Variants in STPG2 observed in about 807,000 individuals in gnomAD.
The protein encoded by STPG2 is sperm tail PG-rich repeat containing 2.
In STPG2, 56 loss-of-function variants were observed where a neutral mutation model predicts 54.2. That is an observed-to-expected ratio of 1.03 (90% CI 0.83 to 1.29). The LOEUF (loss-of-function observed/expected upper bound fraction) is 1.29. Ranked by LOEUF, STPG2 falls within the 50% of genes most tolerant of loss-of-function variation. STPG2 has a pLI of 0.00. For synonymous variants in STPG2, 200 were observed against 181.8 expected (o/e 1.10, Z -0.81); for missense variants, 596 against 544.9 (o/e 1.09, Z -0.93).
chr4:97,944,097 C>A, intron 7 of STPG2, 90 bp from the exon 8 acceptor site: 1 of 824,400 alleles, frequency 1.2e-6, no homozygotes, highest in Non-Finnish European at 2.0e-6. Flanking sequence ...TGAAGTTCAT[C>A]AGTATTATCT....
intron 9 of STPG2, among the ~76,000 whole-genome samples, chr4:97,785,549 G>A (rs2149075915): frequency 6.6e-6 from 1 of 152,172 alleles, no homozygotes; most frequent in Admixed American, 6.5e-5. Context: ...GACTAGAATA[G>A]GAGATTGGAT....
At chr4:98,010,079 G>C (rs1442992698) in intron 5 of STPG2, among the ~76,000 whole-genome samples, 1 of 151,490 alleles carries the variant, frequency 6.6e-6, no homozygotes, top group Non-Finnish European at 1.5e-5. Flanking sequence ...TTGATCTTCT[G>C]CATTTTCTTA....
intron 4 of STPG2, among the ~76,000 whole-genome samples, chr4:97,455,703 C>G (rs928681731): frequency 3.3e-5 from 5 of 152,208 alleles, no homozygotes; most frequent in African/African-American, 4.8e-5. Context: ...GCCCAGGATA[C>G]AGAAAGCCCT....
In STPG2 at chr4:97,756,054, C is replaced by T. The variant is rs72879564; in HGVS notation, c.1205-43240G>A. ...TTTCTGATTGTTTCTAACTCTCCCCCTCCCTTCTTCTCTCTCTCTCTTTCT... is the reference window on the plus strand; with the variant it reads ...TTTCTGATTGTTTCTAACTCTCCCCTTCCCTTCTTCTCTCTCTCTCTTTCT... On this transcript the variant is annotated intron_variant, in intron 9 of 10. Coordinates refer to ENST00000295268, the MANE Select transcript of STPG2 (RefSeq NM_174952.3). 2.5e-3 allele frequency among the ~76,000 whole-genome samples: 380 copies of T among 152,182 alleles called. 2 individuals are homozygous for T. The highest frequency in any genetic ancestry group is 8.9e-3 in the African/African-American group (371 of 41,534).
At chr4:97,736,037 A>C (rs1724975499) in intron 9 of STPG2, among the ~76,000 whole-genome samples, 1 of 152,194 alleles carries the variant, frequency 6.6e-6, no homozygotes, top group South Asian at 2.1e-4. Context: ...AAAAGATAAA[A>C]GGTATGTGTT....
At chr4:98,090,269 G>A (rs1476139714) in intron 5 of STPG2, among the ~76,000 whole-genome samples, 1 of 151,980 alleles carries the variant, frequency 6.6e-6, no homozygotes, top group African/African-American at 2.4e-5. Context: ...TCTACATGTG[G>A]CTTGCCAGTT....
At chr4:97,892,910 C>G (rs1004572925) in intron 8 of STPG2, 2 of 152,158 alleles carry the variant, frequency 1.3e-5, no homozygotes, top group African/African-American at 4.8e-5. Flanking sequence ...GACTCACTCT[C>G]AAATTCTTTT....
At chr4:98,118,309 C>T (rs1336317794) in intron 3 of STPG2, among the ~76,000 whole-genome samples, 1 of 151,318 alleles carries the variant, frequency 6.6e-6, no homozygotes, top group Non-Finnish European at 1.5e-5. Context: ...TGTGTAGAGC[C>T]TCAAGGTCAC....
At chr4:97,799,633 A>G (rs1448470559) in intron 9 of STPG2, among the ~76,000 whole-genome samples, 1 of 151,954 alleles carries the variant, frequency 6.6e-6, no homozygotes, top group Non-Finnish European at 1.5e-5. Context: ...CTCCATTTCA[A>G]CTTTGGTGAA....
chr4:98,134,139 T>C (rs780395918), intron 2 of STPG2, among the ~76,000 whole-genome samples: 8 of 152,004 alleles, frequency 5.3e-5, no homozygotes, highest in African/African-American at 1.9e-4. Context: ...TTGTGTCTTA[T>C]AGAATATGTA....
At chr4:97,893,473 G>A (rs930724278) in intron 8 of STPG2, among the ~76,000 whole-genome samples, 2 of 151,810 alleles carry the variant, frequency 1.3e-5, no homozygotes, top group Non-Finnish European at 2.9e-5. Flanking sequence ...GGAAATTCAG[G>A]GCTGATATAA....
Position 97,792,625 on chromosome 4 carries a change from AAAAGC to A in STPG2, c.1204+48143_1204+48147del, listed in dbSNP as rs879442811. 2.5e-3 allele frequency among the ~76,000 whole-genome samples: 378 copies of A among 152,238 alleles called. 3 individuals carry two copies. In the East Asian group the frequency reaches 0.033, roughly 13 times the overall value. ...ATCAATGGTCTACTCAAAACCCTCTAAAAGCCTTCCATCCCACTGTGAAGCAAGGC... is the reference window on the plus strand; with the variant it reads ...ATCAATGGTCTACTCAAAACCCTCTACTTCCATCCCACTGTGAAGCAAGGC... On this transcript the variant is annotated intron_variant, in intron 9 of 10. Transcript: ENST00000295268.
At chr4:97,574,497 G>A (rs1175505942) in intron 10 of STPG2, among the ~76,000 whole-genome samples, 1 of 151,914 alleles carries the variant, frequency 6.6e-6, no homozygotes, top group Non-Finnish European at 1.5e-5. Context: ...ATAATAAACT[G>A]AGGGGAACTC....
In STPG2 at chr4:97,840,629, A is replaced by C. The variant is rs1728768058; in HGVS notation, c.1204+144T>G. On this transcript the variant is annotated intron_variant, in intron 9 of 10. Coordinates refer to ENST00000295268, the MANE Select transcript of STPG2 (RefSeq NM_174952.3). ...GTTTAGTTCAATGTTATTTTGTTAC[A>C]GCACTGATGAGAAAAATGGTTTTGT... is the stretch of plus-strand genomic sequence containing the variant. 10 of 816,562 alleles carry C rather than the reference A, an allele frequency of 1.2e-5. No homozygotes were observed. In the South Asian group the frequency reaches 2.1e-4, roughly 17 times the overall value. 50.6% of individuals were successfully genotyped at this position (816,562 alleles called of 1,614,324 possible).
At chr4:97,760,961 C>T (rs1464966021) in intron 9 of STPG2, among the ~76,000 whole-genome samples, 3 of 152,144 alleles carry the variant, frequency 2.0e-5, no homozygotes, top group Non-Finnish European at 4.4e-5. Context: ...GTCTTCAAAG[C>T]CAGCAGTGGC....
chr4:97,887,024 GAGC>G (rs1730597264), intron 8 of STPG2, among the ~76,000 whole-genome samples: 1 of 152,152 alleles, frequency 6.6e-6, no homozygotes, highest in Non-Finnish European at 1.5e-5. Context: ...GCCTCCGCAG[GAGC>G]AGAAGTCACT....
Position 98,134,317 on chromosome 4 carries a change from T to A in STPG2, c.222+30A>T, listed in dbSNP as rs368357792. ...ATTCAGGGAAGAAAACATGGTTTTA[T>A]TAAGTCAATTATAGTAACTATAAAG... On this transcript the variant is annotated intron_variant, in intron 2 of 10. Transcript: ENST00000295268. The A allele has an allele frequency of 3.3e-5, 44 of 1,344,100 alleles. No homozygotes were observed. The African/African-American group carries it at 5.8e-4, about 18-fold the overall frequency. 83.3% of individuals were successfully genotyped at this position (1,344,100 alleles called of 1,614,324 possible). A position where few individuals can be genotyped will look rare whatever the true frequency, so the allele number is the denominator to read the frequency against.
At chr4:98,028,489 T>G (rs139816005) in intron 5 of STPG2, among the ~76,000 whole-genome samples, 1 of 152,326 alleles carries the variant, frequency 6.6e-6, no homozygotes, top group Non-Finnish European at 1.5e-5. Flanking sequence ...TTCCAATAGT[T>G]TCAAATAATG....
chr4:97,632,103 ATC>A (rs775710420), intron 10 of STPG2, among the ~76,000 whole-genome samples: 2 of 152,012 alleles, frequency 1.3e-5, no homozygotes, highest in Admixed American at 1.3e-4. Flanking sequence ...GAAGAATAAA[ATC>A]TCTCTTTCCT....
Sources: gnomAD v4.1 joint callset for allele counts (sites outside exome capture counted in the v4.1 genomes callset) on GRCh38, gnomAD v4.1.1 for gene constraint, MANE v1.5 for transcripts, NCBI Gene and HGNC (gene_info 2026-07-23, HGNC 2026-07-21) for gene names.